Variants in ARHGAP12 observed in about 807,000 individuals in gnomAD.
ARHGAP12 encodes the protein Rho GTPase activating protein 12.
A neutral mutation model predicts 108.6 loss-of-function variants in ARHGAP12; 64 were observed. The observed-to-expected ratio is 0.59, with a 90% CI of 0.48 to 0.73. ARHGAP12 has a LOEUF of 0.73. Among genes scored for constraint, ARHGAP12 ranks in the 30% least tolerant of loss-of-function variants. The pLI is 0.00. For missense variants in ARHGAP12, 940 were observed against 1,005.9 expected (o/e 0.93, Z 0.89); for synonymous variants, 312 against 337.2 (o/e 0.93, Z 0.82).
intron 3 of ARHGAP12, among the ~76,000 whole-genome samples, chr10:31,906,770 CAT>C (rs1839148985): frequency 6.6e-6 from 1 of 152,192 alleles, no homozygotes; most frequent in Admixed American, 6.5e-5. Flanking sequence ...ATGAAAAAAA[CAT>C]AGGATTGCGT....
At chr10:31,880,238 T>C (rs1837889906) in intron 3 of ARHGAP12, among the ~76,000 whole-genome samples, 1 of 152,176 alleles carries the variant, frequency 6.6e-6, no homozygotes, top group Non-Finnish European at 1.5e-5. Flanking sequence ...AAAAAATGAT[T>C]AAAATGTTTA....
At chr10:31,812,301 T>C (rs570343532) in intron 15 of ARHGAP12, among the ~76,000 whole-genome samples, 4 of 152,322 alleles carry the variant, frequency 2.6e-5, no homozygotes, top group African/African-American at 9.6e-5. Flanking sequence ...TATGCTAATT[T>C]TTCAGTTACC....
At chr10:31,863,462 T>C (rs760392346) in intron 3 of ARHGAP12, among the ~76,000 whole-genome samples, 1 of 152,178 alleles carries the variant, frequency 6.6e-6, no homozygotes, top group Non-Finnish European at 1.5e-5. Context: ...AAATGATGTT[T>C]ATGAACAAAC....
chr10:31,859,279 T>C (rs896360476), intron 4 of ARHGAP12, among the ~76,000 whole-genome samples: 3 of 152,172 alleles, frequency 2.0e-5, no homozygotes, highest in Admixed American at 1.3e-4. Flanking sequence ...AAGACATCTG[T>C]GGACATTCTA....
intron 16 of ARHGAP12, among the ~76,000 whole-genome samples, chr10:31,810,106 C>T (rs1834960022): frequency 6.6e-6 from 1 of 151,972 alleles, no homozygotes; most frequent in African/African-American, 2.4e-5. Context: ...AATGTGATTA[C>T]AATATACTAA....
chr10:31,928,245 CAT>C (rs1161440796), intron 1 of ARHGAP12, among the ~76,000 whole-genome samples: 17 of 150,642 alleles, frequency 1.1e-4, no homozygotes, highest in Admixed American at 2.6e-4. Flanking sequence ...GCCTTTTGCA[CAT>C]AGACACGCAC....
At chr10:31,864,813 T>A (rs79676159) in intron 3 of ARHGAP12, among the ~76,000 whole-genome samples, 1 of 152,176 alleles carries the variant, frequency 6.6e-6, no homozygotes, top group South Asian at 2.1e-4. Flanking sequence ...CTACAAATTA[T>A]GAATTTAAAA....
chr10:31,819,233 T>C (rs915981628), intron 12 of ARHGAP12, among the ~76,000 whole-genome samples: 5 of 152,066 alleles, frequency 3.3e-5, no homozygotes, highest in African/African-American at 7.2e-5. Flanking sequence ...CACGGAGAGA[T>C]TGGCATGGGT....
At chr10:31,924,766 T>G (rs534024370) in intron 1 of ARHGAP12, among the ~76,000 whole-genome samples, 2 of 152,318 alleles carry the variant, frequency 1.3e-5, no homozygotes, top group African/African-American at 4.8e-5. Context: ...GTCAGAGGTC[T>G]AAATTTTAAA....
At chr10:31,853,529 GC>G (rs1836776436) in intron 5 of ARHGAP12, among the ~76,000 whole-genome samples, 1 of 152,140 alleles carries the variant, frequency 6.6e-6, no homozygotes, top group Admixed American at 6.5e-5. Context: ...TAAAAGCCTA[GC>G]CCCACTTATT....
At chr10:31,838,576 T>A (rs1836117770) in intron 9 of ARHGAP12, among the ~76,000 whole-genome samples, 2 of 151,876 alleles carry the variant, frequency 1.3e-5, no homozygotes, top group African/African-American at 4.8e-5. Context: ...ATGCCTGTAA[T>A]CCCAGCACTT....
At chr10:31,830,616 A>G (rs2132200266) in intron 10 of ARHGAP12, among the ~76,000 whole-genome samples, 1 of 152,338 alleles carries the variant, frequency 6.6e-6, no homozygotes, top group East Asian at 1.9e-4. Flanking sequence ...TAGTTCCATG[A>G]AAGCAAACCC....
At chr10:31,922,174 C>A (rs1304212589) in intron 1 of ARHGAP12, among the ~76,000 whole-genome samples, 3 of 113,564 alleles carry the variant, frequency 2.6e-5, no homozygotes, top group Admixed American at 9.7e-5. Context: ...GAGCAAGACC[C>A]TGCCTCAAAA....
At chr10:31,847,890 A>T (rs1034640598) in intron 6 of ARHGAP12, among the ~76,000 whole-genome samples, 6 of 152,148 alleles carry the variant, frequency 3.9e-5, no homozygotes, top group Non-Finnish European at 7.4e-5. Flanking sequence ...CCTGGAACAG[A>T]GTAGGTATAA....
chr10:31,851,536 T>C (rs988128678), intron 6 of ARHGAP12, among the ~76,000 whole-genome samples: 1 of 152,222 alleles, frequency 6.6e-6, no homozygotes, highest in Non-Finnish European at 1.5e-5. Flanking sequence ...CTTCTGCTAC[T>C]TGGTCAACTC....
At chr10:31,842,192 T>G (rs1305842058) in intron 7 of ARHGAP12, among the ~76,000 whole-genome samples, 1 of 152,146 alleles carries the variant, frequency 6.6e-6, no homozygotes, top group Non-Finnish European at 1.5e-5. Context: ...CTATTTGTTC[T>G]GGTATGAAGA....
chr10:31,899,228 G>A (rs1213775857), intron 3 of ARHGAP12, among the ~76,000 whole-genome samples: 1 of 152,164 alleles, frequency 6.6e-6, no homozygotes, highest in East Asian at 1.9e-4. Context: ...TCTAATGAAC[G>A]TTATCGAAAA....
intron 3 of ARHGAP12, among the ~76,000 whole-genome samples, chr10:31,887,661 GTT>G (rs574894424): frequency 3.8e-5 from 5 of 130,396 alleles, no homozygotes; most frequent in Non-Finnish European, 4.8e-5. Flanking sequence ...TTTTTTTTTT[GTT>G]TTTTTTTTTT....
intron 3 of ARHGAP12, among the ~76,000 whole-genome samples, chr10:31,870,059 A>G (rs951616775): frequency 1.3e-5 from 2 of 152,208 alleles, no homozygotes; most frequent in African/African-American, 4.8e-5. Flanking sequence ...CCTTTGATTT[A>G]GACTTATGGA....
Sources: gnomAD v4.1 joint callset for allele counts (sites outside exome capture counted in the v4.1 genomes callset) on GRCh38, gnomAD v4.1.1 for gene constraint, MANE v1.5 for transcripts, NCBI Gene and HGNC (gene_info 2026-07-23, HGNC 2026-07-21) for gene names.